CEP63: variants seen among roughly 807,000 people sequenced by gnomAD.
CEP63 encodes the protein centrosomal protein 63.
A neutral mutation model predicts 89.1 loss-of-function variants in CEP63; 84 were observed. The observed-to-expected ratio is 0.94, with a 90% confidence interval of 0.79 to 1.13. The LOEUF is 1.13. Ranked by LOEUF, CEP63 falls within the 50% of genes most tolerant of loss-of-function variation. The probability of loss-of-function intolerance (pLI) is 0.00; values close to 1 mark genes in which losing one functional copy is unlikely to be tolerated. For missense variants in CEP63, 838 were observed against 813.3 expected, an observed-to-expected ratio of 1.03 and a Z score of -0.37; for synonymous variants, 267 against 272.5, an observed-to-expected ratio of 0.98 and a Z score of 0.20.
the CEP63 span, among the ~76,000 whole-genome samples, chr3:134,732,391 G>T: frequency 6.0e-4 from 91 of 152,196 alleles, no homozygotes; most frequent in African/African-American, 2.0e-3. Flanking sequence ...ATTCCAAAAT[G>T]CTGTAATCAG....
the CEP63 span, among the ~76,000 whole-genome samples, chr3:134,606,200 C>A: frequency 1.3e-5 from 2 of 152,152 alleles, no homozygotes. Context: ...CAGTGAAGCC[C>A]AGATCCCCCT....
the CEP63 span, among the ~76,000 whole-genome samples, chr3:134,634,771 T>G: frequency 6.6e-6 from 1 of 152,238 alleles, no homozygotes; most frequent in African/African-American, 2.4e-5. Flanking sequence ...CAACTTTTCC[T>G]ACATGGGGTT....
the CEP63 span, among the ~76,000 whole-genome samples, chr3:134,669,464 G>A: frequency 1.3e-5 from 2 of 152,186 alleles, no homozygotes; most frequent in African/African-American, 4.8e-5. Flanking sequence ...GTGCAGTAAT[G>A]AGGAGGGGGG....
chr3:134,676,032 G>T, the CEP63 span, among the ~76,000 whole-genome samples: 1 of 152,084 alleles, frequency 6.6e-6, no homozygotes, highest in Non-Finnish European at 1.5e-5. Context: ...CCACTCCTAG[G>T]TATACACCCA....
chr3:134,750,655 G>C, the CEP63 span, among the ~76,000 whole-genome samples: 1 of 152,152 alleles, frequency 6.6e-6, no homozygotes, highest in Admixed American at 6.5e-5. Flanking sequence ...ATCTGTGCAT[G>C]GGTCTGGGGA....
At chr3:134,719,377 T>C in the CEP63 span, among the ~76,000 whole-genome samples, 1 of 152,196 alleles carries the variant, frequency 6.6e-6, no homozygotes, top group South Asian at 2.1e-4. Context: ...CCCCAGGTGA[T>C]CTGTGTGGAC....
the CEP63 span, among the ~76,000 whole-genome samples, chr3:134,599,746 C>A: frequency 6.6e-6 from 1 of 152,170 alleles, no homozygotes; most frequent in African/African-American, 2.4e-5. Flanking sequence ...ATTATGTTTT[C>A]TTTAATGTGA....
the CEP63 span, among the ~76,000 whole-genome samples, chr3:134,773,823 T>G: frequency 6.6e-6 from 1 of 152,078 alleles, no homozygotes; most frequent in African/African-American, 2.4e-5. Context: ...TGTCACCAGG[T>G]GTTTTTGTTT....
At chr3:134,611,848 A>G in the CEP63 span, among the ~76,000 whole-genome samples, 2 of 152,252 alleles carry the variant, frequency 1.3e-5, no homozygotes, top group Non-Finnish European at 2.9e-5. Flanking sequence ...TGAAATGGCC[A>G]TGCATCTACT....
chr3:134,621,303 T>A, the CEP63 span, among the ~76,000 whole-genome samples: 1 of 152,122 alleles, frequency 6.6e-6, no homozygotes, highest in South Asian at 2.1e-4. Flanking sequence ...GGACACAAGT[T>A]CCCCATTTTC....
chr3:134,612,560 G>A, the CEP63 span, among the ~76,000 whole-genome samples: 2 of 152,196 alleles, frequency 1.3e-5, 1 homozygote, highest in East Asian at 3.8e-4. Flanking sequence ...GGAAAGCAAG[G>A]CCAGAGGAGT....
chr3:134,750,873 A>G, the CEP63 span, among the ~76,000 whole-genome samples: 1 of 152,210 alleles, frequency 6.6e-6, no homozygotes, highest in Non-Finnish European at 1.5e-5. Context: ...ACAACATAAC[A>G]CTGTTTAAAA....
chr3:134,666,321 C>G, the CEP63 span, among the ~76,000 whole-genome samples: 1 of 152,238 alleles, frequency 6.6e-6, no homozygotes, highest in African/African-American at 2.4e-5. Context: ...ATGCAGGTGC[C>G]TGGGACCAAC....
intron 9 of CEP63, 139 bp downstream of exon 9, chr3:134,547,611 T>TTTA: frequency 5.1e-6 from 2 of 391,622 alleles, no homozygotes; most frequent in Non-Finnish European, 4.2e-6. Context: ...TAAGTTCTTA[T>TTTA]TTCTTTTTTT....
At chr3:134,507,689 T>A (rs1943817558) in intron 3 of CEP63, among the ~76,000 whole-genome samples, 1 of 152,084 alleles carries the variant, frequency 6.6e-6, no homozygotes, top group Non-Finnish European at 1.5e-5. Context: ...TTGGTTAGAT[T>A]TAAAACAAAG....
At chr3:134,579,765 T>A (rs1471982714), downstream of CEP63, among the ~76,000 whole-genome samples, 1 of 152,210 alleles carries the variant, frequency 6.6e-6, no homozygotes, top group Admixed American at 6.5e-5. Flanking sequence ...ATGTCTATAG[T>A]GGCATTACTC....
chr3:134,591,100 G>A (rs1380114430), downstream of CEP63, among the ~76,000 whole-genome samples: 2 of 152,192 alleles, frequency 1.3e-5, no homozygotes, highest in African/African-American at 4.8e-5. Flanking sequence ...CTGAGACCTT[G>A]AATGTTTCTA....
At chr3:134,621,506 G>A in the CEP63 span, among the ~76,000 whole-genome samples, 1 of 152,178 alleles carries the variant, frequency 6.6e-6, no homozygotes, top group African/African-American at 2.4e-5. Flanking sequence ...GGACAATTGA[G>A]TTTCCACATG....
chr3:134,701,990 A>G, the CEP63 span, among the ~76,000 whole-genome samples: 8 of 152,274 alleles, frequency 5.3e-5, no homozygotes, highest in East Asian at 7.7e-4. Flanking sequence ...ACTGTATTGG[A>G]AAGATGTTAT....
Sources: gnomAD v4.1 joint callset for allele counts (sites outside exome capture counted in the v4.1 genomes callset) on GRCh38, gnomAD v4.1.1 for gene constraint, MANE v1.5 for transcripts, NCBI Gene and HGNC (gene_info 2026-07-23, HGNC 2026-07-21) for gene names.